EML1: variants seen among roughly 807,000 people sequenced by gnomAD.
EML1 encodes the protein EMAP like 1.
A neutral mutation model predicts 110.4 loss-of-function variants in EML1; 27 were observed. The observed-to-expected ratio is 0.24, with a 90% CI of 0.18 to 0.34. The LOEUF (loss-of-function observed/expected upper bound fraction) is 0.34. EML1 is among the 10% of genes least tolerant of loss of function. EML1 has a pLI of 1.00. For missense variants in EML1, 741 were observed against 1,030.9 expected, an observed-to-expected ratio of 0.72 and a Z score of 3.85; for synonymous variants, 344 against 385.8, an observed-to-expected ratio of 0.89 and a Z score of 1.27.
rs202178154 is a variant in EML1, at chr14:99,865,483, T to C, written c.251-31T>C. 170 of 1,612,566 alleles carry C rather than the reference T, an allele frequency of 1.1e-4. No homozygotes were observed. The African/African-American group carries it at 2.1e-3, about 20-fold the overall frequency. On this transcript the variant is annotated intron_variant, in intron 2 of 21. Transcript: ENST00000262233. ...AAATGTTACCTTTGCAAAGGGGAAC[T>C]TTCTGATATTATTTTCTGCTTGTCT...
At chr14:99,860,001 G>A (rs933022734) in intron 2 of EML1, among the ~76,000 whole-genome samples, 8 of 152,044 alleles carry the variant, frequency 5.3e-5, no homozygotes, top group African/African-American at 1.7e-4. Flanking sequence ...AAGGTGGGTG[G>A]GCACTCTGAC....
At chr14:99,816,733 T>G (rs1232568701) in intron 1 of EML1, among the ~76,000 whole-genome samples, 2 of 152,272 alleles carry the variant, frequency 1.3e-5, no homozygotes, top group Non-Finnish European at 2.9e-5. Flanking sequence ...CATTTCTAAC[T>G]GCCAGAGGCA....
intron 1 of EML1, among the ~76,000 whole-genome samples, chr14:99,741,995 C>T (rs1178306721): frequency 1.3e-5 from 2 of 152,242 alleles, no homozygotes; most frequent in East Asian, 3.9e-4. Context: ...GCAGTGGGAG[C>T]CTTTGGTGCT....
rs891425173 is a variant in EML1 at position 99,905,453 on chromosome 14, G to A, written c.1009-2185G>A. On this transcript the variant is annotated intron_variant, in intron 9 of 21. Transcript: ENST00000262233. This position sits in a 1 kb window ranked among gnomAD's most constrained non-coding sequence, Gnocchi z 4.1. ...AGAAAAGCATTCCCTGTGGCAGGGC[G>A]GGGAAGGTGAAGAGCTCAGGGAGGC... Among the ~76,000 whole-genome samples, 2 of 152,172 alleles carry A rather than the reference G, an allele frequency of 1.3e-5. No homozygotes were observed. The highest frequency in any genetic ancestry group is 1.9e-4 in the East Asian group (1 of 5,188).
chr14:99,771,763 G>A (rs1417346843), upstream of EML1, among the ~76,000 whole-genome samples: 1 of 152,202 alleles, frequency 6.6e-6, no homozygotes, highest in African/African-American at 2.4e-5. Context: ...AGTGAACCAT[G>A]ATCATGCCAC....
chr14:99,839,687 C>G (rs904622364), intron 1 of EML1, among the ~76,000 whole-genome samples: 1 of 152,154 alleles, frequency 6.6e-6, no homozygotes, highest in Non-Finnish European at 1.5e-5. Context: ...TTATATCAGG[C>G]AAAGGTTGTT....
At position 99,905,644 on chromosome 14, in the gene EML1, C is replaced by T. The variant is rs1364731313; in HGVS notation, c.1009-1994C>T. The stretch of plus-strand genomic sequence containing the variant: ...CTTGTACATGCCTAATTCTGTCACC[C>T]TTAGCCATCAGCAAAGAGTGCAAGG... On this transcript the variant is annotated intron_variant, in intron 9 of 21. Coordinates refer to ENST00000262233, the MANE Select transcript of EML1 (RefSeq NM_004434.3). This position sits in a 1 kb window ranked among gnomAD's most constrained non-coding sequence, Gnocchi z 4.1. Among the ~76,000 whole-genome samples, 3 of 152,208 alleles carry T rather than the reference C, an allele frequency of 2.0e-5. No homozygotes were observed. The highest frequency in any genetic ancestry group is 7.2e-5 in the African/African-American group (3 of 41,460).
intron 4 of EML1, among the ~76,000 whole-genome samples, chr14:99,890,061 T>C (rs1595439906): frequency 1.3e-5 from 2 of 152,284 alleles, no homozygotes; most frequent in Non-Finnish European, 2.9e-5. Context: ...ATTCCTGGTG[T>C]TTTTCATTGT....
At chr14:99,886,172 G>T in intron 4 of EML1, 1 of 235,496 alleles carries the variant, frequency 4.2e-6, no homozygotes, top group Non-Finnish European at 8.4e-6. Flanking sequence ...ATTTCATCAC[G>T]TGAAGTCATT....
intron 1 of EML1, among the ~76,000 whole-genome samples, chr14:99,742,726 G>A (rs556132955): frequency 2.0e-5 from 3 of 152,210 alleles, no homozygotes; most frequent in African/African-American, 2.4e-5. Context: ...GGTAAGATCC[G>A]AGCCCCATGT....
At chr14:99,767,921 C>T (rs1057076991) in intron 1 of EML1, among the ~76,000 whole-genome samples, 1 of 151,630 alleles carries the variant, frequency 6.6e-6, no homozygotes, top group Non-Finnish European at 1.5e-5. Context: ...ACACCCCCCA[C>T]ACTACTTTGC....
At chr14:99,872,221 T>TA (rs1221778018) in intron 3 of EML1, among the ~76,000 whole-genome samples, 1 of 152,136 alleles carries the variant, frequency 6.6e-6, no homozygotes, top group Non-Finnish European at 1.5e-5. Flanking sequence ...GCCTGGGTCT[T>TA]ACACCCCCAC....
chr14:99,888,328 C>A (rs1040237950), intron 4 of EML1, among the ~76,000 whole-genome samples: 27 of 152,326 alleles, frequency 1.8e-4, no homozygotes, highest in African/African-American at 6.5e-4. Flanking sequence ...GCAGGAAGAA[C>A]ATAGTTCATA....
intron 1 of EML1, among the ~76,000 whole-genome samples, chr14:99,766,130 T>C (rs1291666837): frequency 6.7e-6 from 1 of 150,012 alleles, no homozygotes; most frequent in African/African-American, 2.5e-5. Context: ...AGTCTCTGCT[T>C]TCTATTCTTT....
upstream of EML1, among the ~76,000 whole-genome samples, chr14:99,790,413 C>A (rs1444230703): frequency 1.3e-5 from 2 of 152,140 alleles, no homozygotes; most frequent in Admixed American, 1.3e-4. Flanking sequence ...TCATAGCTCA[C>A]TGCAGCCTCA....
chr14:99,921,182 C>T (rs541901785), intron 17 of EML1, among the ~76,000 whole-genome samples: 8 of 152,032 alleles, frequency 5.3e-5, no homozygotes, highest in Non-Finnish European at 1.2e-4. Flanking sequence ...ATTTGGTTTT[C>T]TGTTCCTACA....
At chr14:99,935,155 G>A (rs938037796) in intron 17 of EML1, among the ~76,000 whole-genome samples, 1 of 152,132 alleles carries the variant, frequency 6.6e-6, no homozygotes, top group African/African-American at 2.4e-5. Context: ...GACAGGGAGG[G>A]GCTTATAAGA....
intron 2 of EML1, among the ~76,000 whole-genome samples, chr14:99,859,568 G>A (rs2058964743): frequency 6.6e-6 from 1 of 152,174 alleles, no homozygotes; most frequent in African/African-American, 2.4e-5. Flanking sequence ...CCTTGCCTGT[G>A]GACACCTGGC....
rs139601191 is a variant in EML1 at position 99,923,062 on chromosome 14, C to T, written c.1909+2185C>T. 9.2e-3 allele frequency among the ~76,000 whole-genome samples: 1,406 copies of T among 152,288 alleles called. 9 individuals are homozygous for T. The highest frequency in any genetic ancestry group is 0.017 in the Non-Finnish European group (1,134 of 68,028). On this transcript the variant is annotated intron_variant, in intron 17 of 21. Transcript: ENST00000262233. ...GTCCAAGCAATCCTCTCACCTCAGC[C>T]TCCCAAGTAGCTGGGAACACAGGCA...
Sources: allele counts gnomAD v4.1 joint callset (sites outside exome capture counted in the v4.1 genomes callset), GRCh38; gene constraint gnomAD v4.1.1; non-coding constraint Gnocchi (gnomAD v3.1); transcripts MANE v1.5; gene names NCBI Gene and HGNC (gene_info 2026-07-23, HGNC 2026-07-21).